The following FIGN variants were observed in gnomAD, a reference collection of about 807,000 sequenced individuals.
FIGN encodes the protein fidgetin, microtubule severing factor, also known as fidgetin.
Under a neutral mutation model 51.3 loss-of-function variants are expected in FIGN, and 11 were observed. The observed-to-expected ratio is 0.21, with a 90% CI of 0.13 to 0.35. The LOEUF is 0.35. Ranked by LOEUF, FIGN falls within the 10% of genes least tolerant of loss-of-function variation. The pLI, the probability that FIGN is intolerant of heterozygous loss-of-function variation, is 1.00. For synonymous variants in FIGN, 407 were observed against 363.2 expected, an observed-to-expected ratio of 1.12 and a Z score of -1.37; for missense variants, 857 against 943.6, an observed-to-expected ratio of 0.91 and a Z score of 1.20.
chr2:163,640,950 A>G (rs1683296555), intron 2 of FIGN, among the ~76,000 whole-genome samples: 1 of 152,184 alleles, frequency 6.6e-6, no homozygotes, highest in Non-Finnish European at 1.5e-5. Flanking sequence ...GCTTGGCATC[A>G]AGTGCTCAGT....
chr2:163,711,971 C>T (rs1684594838), intron 2 of FIGN, among the ~76,000 whole-genome samples: 1 of 152,114 alleles, frequency 6.6e-6, no homozygotes, highest in Admixed American at 6.6e-5. Flanking sequence ...AGCTGTCATT[C>T]CACAGCCCCC....
chr2:163,648,495 T>A (rs1683418078), intron 2 of FIGN, among the ~76,000 whole-genome samples: 3 of 152,202 alleles, frequency 2.0e-5, no homozygotes, highest in Admixed American at 1.3e-4. Flanking sequence ...AACATGGGGT[T>A]CTTAACCTGA....
At chr2:163,717,772 G>C (rs1394786949) in intron 2 of FIGN, among the ~76,000 whole-genome samples, 4 of 152,142 alleles carry the variant, frequency 2.6e-5, no homozygotes, top group Non-Finnish European at 5.9e-5. Flanking sequence ...TGTTAATCGG[G>C]TGTAATTTTT....
chr2:163,639,887 A>C (rs934152977), intron 2 of FIGN, among the ~76,000 whole-genome samples: 3 of 152,136 alleles, frequency 2.0e-5, no homozygotes, highest in African/African-American at 7.2e-5. Context: ...AGTTTCTGTA[A>C]ACATAAGTAG....
At chr2:163,674,742 T>C (rs1437090291) in intron 2 of FIGN, among the ~76,000 whole-genome samples, 1 of 152,200 alleles carries the variant, frequency 6.6e-6, no homozygotes, top group Admixed American at 6.5e-5. Flanking sequence ...ATGCAGTTTT[T>C]GGATTTCTTT....
intron 2 of FIGN, among the ~76,000 whole-genome samples, chr2:163,719,392 A>G: frequency 6.6e-6 from 1 of 152,162 alleles, no homozygotes; most frequent in East Asian, 1.9e-4. Flanking sequence ...ATACACAGAC[A>G]TAGGCACACA....
chr2:163,693,861 T>C (rs1446322498), intron 2 of FIGN, among the ~76,000 whole-genome samples: 1 of 152,140 alleles, frequency 6.6e-6, no homozygotes, highest in African/African-American at 2.4e-5. Flanking sequence ...ACCAGAAGGA[T>C]TAAATACCAC....
At position 163,726,475 on chromosome 2, in the gene FIGN, A is replaced by G. The variant is rs543402402; in HGVS notation, c.25+8428T>C. ...GGTGATTATTCTTAACAAGTTACAT[A>G]TTGGGAATTATTCTTCAAAAATGAC... On this transcript the variant is annotated intron_variant, in intron 2 of 2. Coordinates refer to ENST00000333129, the MANE Select transcript of FIGN (RefSeq NM_018086.4). Among the ~76,000 whole-genome samples, 227 of 152,230 alleles carry G rather than the reference A, an allele frequency of 1.5e-3. 1 individual carries two copies. Among genetic ancestry groups the G allele is most frequent in the African/African-American group, 4.9e-3 (203 of 41,572 alleles).
intron 2 of FIGN, among the ~76,000 whole-genome samples, chr2:163,645,903 C>G (rs185249675): frequency 6.6e-5 from 10 of 152,294 alleles, no homozygotes; most frequent in Admixed American, 5.9e-4. Flanking sequence ...ACCCTCCAAA[C>G]TTTTATTTCA....
intron 2 of FIGN, among the ~76,000 whole-genome samples, chr2:163,615,718 T>C (rs768069234): frequency 6.6e-6 from 1 of 152,178 alleles, no homozygotes; most frequent in Non-Finnish European, 1.5e-5. Flanking sequence ...ACAATACTAT[T>C]TTAACATTAT....
chr2:163,730,371 AAAG>A (rs1430144380), intron 2 of FIGN, among the ~76,000 whole-genome samples: 20 of 152,200 alleles, frequency 1.3e-4, no homozygotes, highest in Admixed American at 1.3e-3. Context: ...TTTAGGAAAA[AAAG>A]AAGAAAATGA....
intron 2 of FIGN, among the ~76,000 whole-genome samples, chr2:163,721,150 A>G (rs1684750890): frequency 6.6e-6 from 1 of 152,162 alleles, no homozygotes; most frequent in Non-Finnish European, 1.5e-5. Flanking sequence ...CCAGAAGGGT[A>G]AAGGAAAATG....
intron 2 of FIGN, among the ~76,000 whole-genome samples, chr2:163,669,600 G>T (rs1683843590): frequency 6.6e-6 from 1 of 152,154 alleles, no homozygotes; most frequent in African/African-American, 2.4e-5. Flanking sequence ...TTAAAGATAA[G>T]ATGAAATGGC....
At chr2:163,618,757 C>T (rs563308805) in intron 2 of FIGN, among the ~76,000 whole-genome samples, 1 of 152,188 alleles carries the variant, frequency 6.6e-6, no homozygotes, top group East Asian at 1.9e-4. Flanking sequence ...TCATGGTGCT[C>T]CTACCCCCTG....
rs79529359 is a variant in FIGN, at chr2:163,725,087, T to G, written c.25+9816A>C. On this transcript the variant is annotated intron_variant, in intron 2 of 2. Coordinates refer to ENST00000333129, the MANE Select transcript of FIGN (RefSeq NM_018086.4). ...TTCCCCTATTCCTACATGTTGTCCATGACAACAAATGCTGCTTTACTCTTC... is the reference window on the plus strand; with the variant it reads ...TTCCCCTATTCCTACATGTTGTCCAGGACAACAAATGCTGCTTTACTCTTC... 3.7e-3 allele frequency among the ~76,000 whole-genome samples: 568 copies of G among 152,226 alleles called. 17 individuals carry two copies. The East Asian group carries it at 0.076, about 20-fold the overall frequency.
chr2:163,694,162 C>T (rs1192860480), intron 2 of FIGN, among the ~76,000 whole-genome samples: 2 of 152,166 alleles, frequency 1.3e-5, no homozygotes, highest in African/African-American at 4.8e-5. Context: ...ACGTCATATT[C>T]CAAGCAAAGA....
intron 2 of FIGN, among the ~76,000 whole-genome samples, chr2:163,670,744 T>C (rs889904705): frequency 6.6e-6 from 1 of 152,216 alleles, no homozygotes; most frequent in Non-Finnish European, 1.5e-5. Context: ...CCACAATGTA[T>C]ATTTATTTTG....
chr2:163,700,632 G>T (rs1684394208), intron 2 of FIGN, among the ~76,000 whole-genome samples: 1 of 152,062 alleles, frequency 6.6e-6, no homozygotes, highest in South Asian at 2.1e-4. Context: ...AAAGGGGAGA[G>T]TTCAGTCAAG....
intron 2 of FIGN, 116 bp from the exon 3 acceptor site, chr2:163,611,922 T>A: frequency 2.2e-6 from 1 of 450,984 alleles, no homozygotes; most frequent in Non-Finnish European, 3.4e-6. Context: ...ATGCATACTT[T>A]AAAAGATCTA....
Sources: allele counts gnomAD v4.1 joint callset (sites outside exome capture counted in the v4.1 genomes callset), GRCh38; gene constraint gnomAD v4.1.1; transcripts MANE v1.5; gene names NCBI Gene and HGNC (gene_info 2026-07-23, HGNC 2026-07-21).